Variants in CCDC57 observed in about 807,000 individuals in gnomAD.
The protein encoded by CCDC57 is coiled-coil domain containing 57.
A neutral mutation model predicts 118.9 loss-of-function variants in CCDC57; 118 were observed. That is an observed-to-expected ratio of 0.99 (90% CI 0.86 to 1.16). The LOEUF is 1.16. CCDC57 is among the 50% of genes most tolerant of loss of function. CCDC57 has a pLI of 0.00. For missense variants in CCDC57, 1,300 were observed against 1,320.7 expected, an observed-to-expected ratio of 0.98 and a Z score of 0.24; for synonymous variants, 527 against 532.9, an observed-to-expected ratio of 0.99 and a Z score of 0.15.
At chr17:82,103,198 C>A (rs1235832382) in intron 19 of CCDC57, among the ~76,000 whole-genome samples, 1 of 152,234 alleles carries the variant, frequency 6.6e-6, no homozygotes, top group African/African-American at 2.4e-5. Context: ...CAGCCCTGGC[C>A]CTGGGCCCCT....
chr17:82,112,650 C>G (rs1295363062), intron 19 of CCDC57: 1 of 152,322 alleles, frequency 6.6e-6, no homozygotes, highest in Non-Finnish European at 1.5e-5. Context: ...GACCCTAGTG[C>G]AGTCTCAGCT....
chr17:82,131,169 A>G (rs73360076), intron 17 of CCDC57, among the ~76,000 whole-genome samples: 69,640 of 149,334 alleles, frequency 0.47, 16,941 homozygotes, highest in East Asian at 0.88. Flanking sequence ...GTTAGCTCAC[A>G]CCTGTAATCC....
At chr17:82,127,874 G>A (rs1568187035) in exon 19 of CCDC57, 1 of 1,611,236 alleles carries the variant, frequency 6.2e-7, no homozygotes, top group Non-Finnish European at 8.5e-7. Context: ...CTGCCGAGGT[G>A]ATTTACAGGT....
At chr17:82,161,263 C>T (rs896564851) in intron 14 of CCDC57, among the ~76,000 whole-genome samples, 2 of 152,234 alleles carry the variant, frequency 1.3e-5, no homozygotes, top group East Asian at 3.9e-4. Context: ...GAGGTAAAAT[C>T]GTGTGGCTGC....
intron 7 of CCDC57, among the ~76,000 whole-genome samples, chr17:82,190,524 A>G (rs1599337110): frequency 6.6e-6 from 1 of 151,994 alleles, no homozygotes; most frequent in East Asian, 1.9e-4. Flanking sequence ...GGCAAACTCC[A>G]TCTCTGCTAA....
intron 9 of CCDC57, among the ~76,000 whole-genome samples, chr17:82,180,504 C>G (rs958812438): frequency 1.3e-5 from 2 of 152,204 alleles, no homozygotes; most frequent in Non-Finnish European, 2.9e-5. Context: ...GATACAGAGT[C>G]TTGCTCTGTC....
intron 1 of CCDC57, among the ~76,000 whole-genome samples, chr17:82,209,660 A>AT (rs557751539): frequency 1.5e-3 from 224 of 152,088 alleles, no homozygotes; most frequent in Admixed American, 3.5e-3. Context: ...TTATTTTGTA[A>AT]TTTTTTATAG....
chr17:82,127,838 G>T, exon 19 of CCDC57: 3 of 1,610,680 alleles, frequency 1.9e-6, no homozygotes. Context: ...GGGAGCCTGG[G>T]GTGGCTTTGG....
rs572548413 is a variant in CCDC57, at chr17:82,197,340, C to T, written c.516+974G>A. Reference sequence around the variant, plus strand: ...GATGCAGCCCCTTGTCACATATGCACACAGTGGCAGCATCTCTGACTGTGG... The same window carrying T: ...GATGCAGCCCCTTGTCACATATGCATACAGTGGCAGCATCTCTGACTGTGG... On this transcript the variant is annotated intron_variant, in intron 4 of 19. Coordinates refer to ENST00000665763, the Ensembl canonical transcript of CCDC57. Among the ~76,000 whole-genome samples, 4 of 152,364 alleles carry T rather than the reference C, an allele frequency of 2.6e-5. No individual in the cohort carries two copies. The South Asian group carries it at 8.3e-4, about 32-fold the overall frequency.
chr17:82,101,755 G>A (rs1446469574), exon 20 of CCDC57: 2 of 1,610,152 alleles, frequency 1.2e-6, no homozygotes, highest in Non-Finnish European at 1.7e-6. Context: ...ATGAGACCGG[G>A]AGGCTCCTGT....
intron 19 of CCDC57, among the ~76,000 whole-genome samples, chr17:82,105,647 C>T (rs2034794825): frequency 6.6e-6 from 1 of 152,228 alleles, no homozygotes; most frequent in African/African-American, 2.4e-5. Flanking sequence ...GGGGGGTCAC[C>T]GTGGCCCCGG....
At chr17:82,134,877 TACTTAGAAATG>T (rs2038932898) in intron 16 of CCDC57, among the ~76,000 whole-genome samples, 1 of 152,176 alleles carries the variant, frequency 6.6e-6, no homozygotes. Flanking sequence ...CATGCTAGCT[TACTTAGAAATG>T]ACCCCACATC....
At position 82,172,032 on chromosome 17, in the gene CCDC57, A is replaced by G. The variant is rs113480905; in HGVS notation, c.1730-179T>C. 3.7e-4 allele frequency among the ~76,000 whole-genome samples: 56 copies of G among 152,264 alleles called. No homozygotes were observed. Among genetic ancestry groups the G allele is most frequent in the African/African-American group, 1.2e-3 (49 of 41,546 alleles). ...CACTCTCTGTGTGTGTCAGACTGAA[A>G]GACCTTCCCTCCCCTCACTGGCCAG... On this transcript the variant is annotated intron_variant, in intron 12 of 19. Coordinates refer to ENST00000665763, the Ensembl canonical transcript of CCDC57. The surrounding 1 kb of genome is among the most constrained non-coding windows in gnomAD (Gnocchi z 5.2).
chr17:82,160,257 A>G (rs2146024347), intron 14 of CCDC57: 1 of 152,496 alleles, frequency 6.6e-6, no homozygotes, highest in African/African-American at 2.4e-5. Context: ...AACAGGAGAC[A>G]TGATCAACAG....
At chr17:82,154,621 A>G (rs2042455460) in intron 15 of CCDC57, 1 of 136,818 alleles carries the variant, frequency 7.3e-6, no homozygotes, top group African/African-American at 2.8e-5. Context: ...TGCAGGGTCC[A>G]TGGTCCCACA....
At chr17:82,141,137 A>G (rs1266996396) in intron 16 of CCDC57, among the ~76,000 whole-genome samples, 2 of 149,764 alleles carry the variant, frequency 1.3e-5, no homozygotes, top group African/African-American at 4.9e-5. Context: ...CAGCCTCTTG[A>G]GTAGCTGGGA....
intron 4 of CCDC57, among the ~76,000 whole-genome samples, chr17:82,196,132 G>A (rs530512807): frequency 8.5e-5 from 13 of 152,200 alleles, no homozygotes; most frequent in African/African-American, 2.9e-4. Flanking sequence ...GCCTCAAATC[G>A]CCACTGTCCC....
intron 13 of CCDC57, among the ~76,000 whole-genome samples, chr17:82,169,380 C>T (rs559138940): frequency 2.0e-5 from 3 of 152,314 alleles, no homozygotes; most frequent in East Asian, 1.9e-4. Context: ...CCACCCACCT[C>T]GGCCTCCCAA....
chr17:82,156,315 T>A (rs181228196), intron 15 of CCDC57: 1 of 151,718 alleles, frequency 6.6e-6, no homozygotes, highest in Non-Finnish European at 1.5e-5. Context: ...AAGAAAAAAT[T>A]CTGCTTATTT....
Sources: gnomAD v4.1 joint callset for allele counts (sites outside exome capture counted in the v4.1 genomes callset) on GRCh38, gnomAD v4.1.1 for gene constraint, Gnocchi (gnomAD v3.1) non-coding constraint, MANE v1.5 for transcripts, NCBI Gene and HGNC (gene_info 2026-07-23, HGNC 2026-07-21) for gene names.